The following TBC1D19 variants were observed in gnomAD, a reference collection of about 807,000 sequenced individuals.
TBC1D19 encodes TBC1 domain family, member 19.
Under a neutral mutation model 89.0 loss-of-function variants are expected in TBC1D19, and 60 were observed. The observed-to-expected ratio is 0.67, with a 90% CI of 0.55 to 0.84. The LOEUF (loss-of-function observed/expected upper bound fraction) is 0.84, where lower values mean the gene tolerates loss of function less well. Ranked by LOEUF, TBC1D19 falls within the 40% of genes least tolerant of loss-of-function variation. The pLI is 0.00. For synonymous variants in TBC1D19, 189 were observed against 199.7 expected (o/e 0.95, Z 0.45); for missense variants, 500 against 610.8 (o/e 0.82, Z 1.91).
chr4:26,850,540 C>CAAAAAAAAAAAAAAAAAAAAAAAA, the TBC1D19 span, among the ~76,000 whole-genome samples: 18 of 90,420 alleles, frequency 2.0e-4, no homozygotes, highest in African/African-American at 6.6e-4. Flanking sequence ...GACCCTGTCT[C>CAAAAAAAAAAAAAAAAAAAAAAAA]AAAAAAAAAA....
chr4:26,748,592 C>A, intron 19 of TBC1D19, 66 bp downstream of exon 19: 2 of 1,130,326 alleles, frequency 1.8e-6, no homozygotes, highest in South Asian at 1.3e-5. Flanking sequence ...TTCTTCCTAA[C>A]ATTCACCATC....
At chr4:26,620,742 G>A in intron 4 of TBC1D19, 54 bp downstream of exon 4, 1 of 1,502,114 alleles carries the variant, frequency 6.7e-7, no homozygotes, top group Non-Finnish European at 9.2e-7. Context: ...ATGTAATACA[G>A]AGCAAAAGAT....
At chr4:26,821,020 C>G in the TBC1D19 span, among the ~76,000 whole-genome samples, 1 of 152,278 alleles carries the variant, frequency 6.6e-6, no homozygotes, top group Non-Finnish European at 1.5e-5. Context: ...CTTTCTGTAT[C>G]CCTCTGGCCC....
At chr4:26,796,453 G>A in the TBC1D19 span, among the ~76,000 whole-genome samples, 1 of 152,138 alleles carries the variant, frequency 6.6e-6, no homozygotes, top group Non-Finnish European at 1.5e-5. Flanking sequence ...TAAGAATAAT[G>A]TGTATTTTTT....
At chr4:26,779,177 C>T in the TBC1D19 span, among the ~76,000 whole-genome samples, 9 of 152,264 alleles carry the variant, frequency 5.9e-5, no homozygotes, top group Admixed American at 5.9e-4. Context: ...TTCTGCTGCT[C>T]CTAAAAGTTT....
intron 4 of TBC1D19, among the ~76,000 whole-genome samples, chr4:26,624,372 CTT>C (rs11315141): frequency 2.0e-5 from 3 of 151,280 alleles, no homozygotes; most frequent in East Asian, 3.9e-4. Context: ...ATAGTAATTG[CTT>C]TTTTTTTATT....
intron 4 of TBC1D19, among the ~76,000 whole-genome samples, chr4:26,631,975 A>G (rs2110062317): frequency 6.6e-6 from 1 of 152,258 alleles, no homozygotes; most frequent in Non-Finnish European, 1.5e-5. Flanking sequence ...ACAATGGGAT[A>G]TCTATATTTG....
chr4:26,739,655 T>C (rs1718235500), intron 16 of TBC1D19, among the ~76,000 whole-genome samples: 1 of 152,182 alleles, frequency 6.6e-6, no homozygotes. Flanking sequence ...GTTTGTAATA[T>C]ATTCCTTTCT....
intron 7 of TBC1D19, among the ~76,000 whole-genome samples, chr4:26,654,588 T>C (rs1206391395): frequency 6.6e-6 from 1 of 152,204 alleles, no homozygotes; most frequent in Non-Finnish European, 1.5e-5. Context: ...TTCATTCTTT[T>C]TTCTCTAAAT....
intron 8 of TBC1D19, among the ~76,000 whole-genome samples, chr4:26,664,988 A>C (rs1711673294): frequency 1.3e-5 from 2 of 152,136 alleles, no homozygotes. Flanking sequence ...CACTCTCAAC[A>C]GGAAAACCCG....
At chr4:26,764,701 TCA>T in the TBC1D19 span, among the ~76,000 whole-genome samples, 29 of 152,074 alleles carry the variant, frequency 1.9e-4, no homozygotes, top group African/African-American at 7.0e-4. Context: ...TAATGATGGG[TCA>T]TGGAATATAA....
At chr4:26,708,644 C>A (rs1715919503) in intron 13 of TBC1D19, among the ~76,000 whole-genome samples, 2 of 152,010 alleles carry the variant, frequency 1.3e-5, no homozygotes, top group African/African-American at 4.8e-5. Context: ...GTTCCTATGG[C>A]TCTGTTAACT....
At chr4:26,747,551 T>C (rs1476794442) in intron 18 of TBC1D19, among the ~76,000 whole-genome samples, 2 of 152,218 alleles carry the variant, frequency 1.3e-5, no homozygotes, top group African/African-American at 4.8e-5. Flanking sequence ...TTTCTGTCTT[T>C]TAAGAGAATA....
At chr4:26,749,065 C>T (rs1170789861) in intron 19 of TBC1D19, among the ~76,000 whole-genome samples, 5 of 152,172 alleles carry the variant, frequency 3.3e-5, no homozygotes, top group African/African-American at 1.2e-4. Context: ...CTTTTATTCT[C>T]TCAGGCCAAA....
intron 1 of TBC1D19, among the ~76,000 whole-genome samples, chr4:26,577,820 T>C (rs1377281278): frequency 6.6e-6 from 1 of 152,194 alleles, no homozygotes; most frequent in Non-Finnish European, 1.5e-5. Flanking sequence ...AGGATAAAAA[T>C]GGTGCATTCA....
At chr4:26,688,455 A>C in intron 13 of TBC1D19, 48 bp downstream of exon 13, 1 of 1,466,390 alleles carries the variant, frequency 6.8e-7, no homozygotes, top group South Asian at 1.3e-5. Context: ...TAGGTTCTCT[A>C]TATCATGATA....
At chr4:26,624,805 T>C (rs1226828167) in intron 4 of TBC1D19, among the ~76,000 whole-genome samples, 1 of 151,970 alleles carries the variant, frequency 6.6e-6, no homozygotes, top group Non-Finnish European at 1.5e-5. Context: ...AATTGCAAGG[T>C]TTAGTAATTG....
chr4:26,696,558 C>T (rs1486965036), intron 13 of TBC1D19, among the ~76,000 whole-genome samples: 1 of 152,202 alleles, frequency 6.6e-6, no homozygotes, highest in Non-Finnish European at 1.5e-5. Flanking sequence ...AATATACATT[C>T]TTCTCAGCAC....
intron 12 of TBC1D19, among the ~76,000 whole-genome samples, chr4:26,688,112 A>G (rs1262675726): frequency 6.6e-6 from 1 of 152,178 alleles, no homozygotes; most frequent in Non-Finnish European, 1.5e-5. Context: ...AATTGAAATA[A>G]ATATTAAAGA....
Sources: gnomAD v4.1 joint callset for allele counts (sites outside exome capture counted in the v4.1 genomes callset) on GRCh38, gnomAD v4.1.1 for gene constraint, MANE v1.5 for transcripts, NCBI Gene and HGNC (gene_info 2026-07-23, HGNC 2026-07-21) for gene names.